The following TBCE variants were observed in gnomAD, a reference collection of about 807,000 sequenced individuals.
TBCE encodes the protein tubulin-specific chaperone E.
A neutral mutation model predicts 77.0 loss-of-function variants in TBCE; 53 were observed. The ratio of observed to expected loss-of-function variants is 0.69; its 90% CI spans 0.55 to 0.87. The LOEUF (loss-of-function observed/expected upper bound fraction) is 0.87. Ranked by LOEUF, TBCE falls within the 40% of genes least tolerant of loss-of-function variation. TBCE has a pLI of 0.00. For synonymous variants in TBCE, 235 were observed against 241.3 expected, an observed-to-expected ratio of 0.97 and a Z score of 0.24; for missense variants, 624 against 622.4, an observed-to-expected ratio of 1.00 and a Z score of -0.03.
Position 235,414,534 on chromosome 1 carries a change from A to G in TBCE, c.287A>G (p.Glu96Gly). 1.2e-6 allele frequency: 2 copies of G among 1,613,932 alleles called. No homozygotes were observed. The highest frequency in any genetic ancestry group is 1.7e-6 in the Non-Finnish European group (2 of 1,179,980). ...KNRYVLEDGP[E>G]EDRKEQIVTI... ...CGCTATGTGTTAGAAGATGGACCAGAGGAAGATAGAAAAGAGCAAATTGTT... is the reference window on the plus strand; with the variant it reads ...CGCTATGTGTTAGAAGATGGACCAGGGGAAGATAGAAAAGAGCAAATTGTT... Residue 96 changes from glutamate (E) to glycine (G), a missense_variant, in exon 4 of 17, where the codon GAG becomes GGG. By Grantham distance (98) the Glu-to-Gly change is moderately conservative. Coordinates refer to ENST00000642610, the MANE Select transcript of TBCE (RefSeq NM_003193.5).
chr1:235,433,950 T>C (rs1285693505), intron 7 of TBCE: 1 of 552,476 alleles, frequency 1.8e-6, no homozygotes, highest in Non-Finnish European at 3.2e-6. Flanking sequence ...ACCTAAACCA[T>C]GCATTGACAC....
chr1:235,394,776 G>T (rs1354196936), intron 2 of TBCE, among the ~76,000 whole-genome samples: 1 of 151,974 alleles, frequency 6.6e-6, no homozygotes, highest in Admixed American at 6.6e-5. Flanking sequence ...GCAGTGGCAT[G>T]ATCATAGCTC....
chr1:235,446,657 T>G (rs367824029), intron 15 of TBCE, among the ~76,000 whole-genome samples: 2 of 151,940 alleles, frequency 1.3e-5, no homozygotes, highest in South Asian at 2.1e-4. Flanking sequence ...TACATAGAGA[T>G]TGCTACTTTC....
At chr1:235,389,773 A>G (rs182913681) in intron 2 of TBCE, among the ~76,000 whole-genome samples, 1 of 152,318 alleles carries the variant, frequency 6.6e-6, no homozygotes, top group Admixed American at 6.5e-5. Context: ...TGTTTAAAGC[A>G]CTTAGACCAG....
At chr1:235,400,644 C>T (rs1679044269) in intron 2 of TBCE, among the ~76,000 whole-genome samples, 1 of 151,888 alleles carries the variant, frequency 6.6e-6, no homozygotes, top group Non-Finnish European at 1.5e-5. Flanking sequence ...TCGTGATCCG[C>T]CTGCCTCTGC....
intron 2 of TBCE, among the ~76,000 whole-genome samples, chr1:235,397,330 C>T (rs967542254): frequency 6.6e-6 from 1 of 151,652 alleles, no homozygotes; most frequent in Non-Finnish European, 1.5e-5. Context: ...GCCTCCCGAG[C>T]AGCTGGGACT....
chr1:235,448,481 G>C (rs1350707760), intron 16 of TBCE, 41 bp downstream of exon 16: 1 of 1,577,050 alleles, frequency 6.3e-7, no homozygotes, highest in Admixed American at 1.7e-5. Context: ...GTCAAGCTTA[G>C]TCCTCGTATT....
At chr1:235,382,562 C>A (rs1173078848) in intron 2 of TBCE, among the ~76,000 whole-genome samples, 1 of 152,092 alleles carries the variant, frequency 6.6e-6, no homozygotes, top group Non-Finnish European at 1.5e-5. Flanking sequence ...TCTCTGATGG[C>A]CAGTGATGGT....
At chr1:235,399,896 G>A (rs1356441262) in intron 2 of TBCE, among the ~76,000 whole-genome samples, 1 of 152,120 alleles carries the variant, frequency 6.6e-6, no homozygotes, top group Non-Finnish European at 1.5e-5. Context: ...TGCTTGGTGT[G>A]TGGGGAAAAC....
At chr1:235,368,084 T>G (rs930268495) in intron 1 of TBCE, among the ~76,000 whole-genome samples, 10 of 152,146 alleles carry the variant, frequency 6.6e-5, no homozygotes, top group Admixed American at 5.9e-4. Context: ...TTTTGTATTT[T>G]TAGTAGAGAC....
intron 2 of TBCE, among the ~76,000 whole-genome samples, chr1:235,396,381 C>A (rs1306190274): frequency 6.6e-6 from 1 of 152,148 alleles, no homozygotes; most frequent in East Asian, 1.9e-4. Flanking sequence ...TTTCTTTATC[C>A]ATTCATCTGT....
At chr1:235,415,774 G>T (rs892418172) in intron 4 of TBCE, 1 of 151,706 alleles carries the variant, frequency 6.6e-6, no homozygotes, top group African/African-American at 2.4e-5. Flanking sequence ...AGGAACAAAT[G>T]GACTGTTCTT....
chr1:235,385,724 A>G (rs1265304207), intron 2 of TBCE, among the ~76,000 whole-genome samples: 4 of 152,020 alleles, frequency 2.6e-5, no homozygotes, highest in African/African-American at 9.7e-5. Flanking sequence ...TGCCTGTGAG[A>G]TGGGTTTCCT....
chr1:235,428,985 A>ATTTTTTT (rs35190136), intron 6 of TBCE: 1 of 102,332 alleles, frequency 9.8e-6, no homozygotes, highest in Admixed American at 1.2e-4. Context: ...ATATATATAT[A>ATTTTTTT]TTTTTTTTTT....
intron 3 of TBCE, among the ~76,000 whole-genome samples, chr1:235,410,473 G>A (rs1679720675): frequency 6.6e-6 from 1 of 152,124 alleles, no homozygotes; most frequent in Admixed American, 6.5e-5. Context: ...AGGATGACCA[G>A]AGGTCACTCT....
chr1:235,433,096 A>G (rs1262263802), intron 7 of TBCE: 20 of 1,532,510 alleles, frequency 1.3e-5, no homozygotes, highest in Non-Finnish European at 1.7e-5. Flanking sequence ...GAACGTGGCC[A>G]AGGCCAGTGA....
chr1:235,443,002 A>G, intron 15 of TBCE, 91 bp downstream of exon 15: 2 of 1,280,868 alleles, frequency 1.6e-6, no homozygotes, highest in Admixed American at 1.8e-5. Context: ...CTCATGTCTC[A>G]AAGTGTGGAC....
intron 7 of TBCE, among the ~76,000 whole-genome samples, chr1:235,431,252 T>C (rs575640859): frequency 6.6e-6 from 1 of 152,314 alleles, no homozygotes; most frequent in East Asian, 1.9e-4. Flanking sequence ...ACAGCCGGGC[T>C]CAAAAGTAGA....
chr1:235,392,705 C>G (rs1309779931), intron 2 of TBCE, among the ~76,000 whole-genome samples: 1 of 151,922 alleles, frequency 6.6e-6, no homozygotes, highest in Non-Finnish European at 1.5e-5. Context: ...GCCACCACGC[C>G]TGGCCCAGAA....
Sources: allele counts gnomAD v4.1 joint callset (sites outside exome capture counted in the v4.1 genomes callset), GRCh38; gene constraint gnomAD v4.1.1; transcripts MANE v1.5; gene names NCBI Gene and HGNC (gene_info 2026-07-23, HGNC 2026-07-21).